LTBP1: variants seen among roughly 807,000 people sequenced by gnomAD.
The protein encoded by LTBP1 is latent transforming growth factor beta binding protein 1, also known as latent-transforming growth factor beta-binding protein 1.
In LTBP1, 129 loss-of-function variants were observed where a neutral mutation model predicts 207.6. The observed-to-expected ratio is 0.62, with a 90% CI of 0.54 to 0.72. LTBP1 has a LOEUF of 0.72. Among genes scored for constraint, LTBP1 ranks in the 30% least tolerant of loss-of-function variants. The probability of loss-of-function intolerance (pLI) is 0.00; values close to 1 mark genes in which losing one functional copy is unlikely to be tolerated. For missense variants in LTBP1, 2,281 were observed against 2,217.2 expected, an observed-to-expected ratio of 1.03 and a Z score of -0.58; for synonymous variants, 963 against 833.7, an observed-to-expected ratio of 1.16 and a Z score of -2.67.
rs375456488 is a variant in LTBP1 at position 33,315,257 on chromosome 2, C to A, written c.3718C>A (p.Arg1240Ser). The A allele has an allele frequency of 1.2e-6, 2 of 1,611,854 alleles. No homozygotes were observed. The highest frequency in any genetic ancestry group is 1.7e-5 in the Admixed American group (1 of 59,288). ...GGGTTTCTCAATCTCTGCAGATGGC[C>A]GTACGTGTGAAGGTAAGATAAACCA... ...QQGFSISADG[R>S]TCEDIDECVN... The change falls in exon 24 of 34, where the codon CGT becomes AGT. Residue 1240 changes from arginine to serine, a missense_variant. Physicochemically the swap from Arg to Ser is moderately radical, Grantham distance 110. Transcript: ENST00000404816.
At chr2:33,191,123 T>C (rs1437874928) in intron 7 of LTBP1, among the ~76,000 whole-genome samples, 2 of 152,296 alleles carry the variant, frequency 1.3e-5, no homozygotes, top group Non-Finnish European at 1.5e-5. Context: ...TAAAATTGTG[T>C]GCCCAGTACC....
chr2:32,973,677 T>C (rs900213208), intron 2 of LTBP1, among the ~76,000 whole-genome samples: 2 of 152,078 alleles, frequency 1.3e-5, no homozygotes, highest in Non-Finnish European at 1.5e-5. Flanking sequence ...TATCAGACAA[T>C]AGGTCTTATT....
At chr2:33,036,179 A>G (rs1024068856) in intron 3 of LTBP1, among the ~76,000 whole-genome samples, 5 of 152,168 alleles carry the variant, frequency 3.3e-5, no homozygotes. Context: ...AGGGCTTGCT[A>G]GATAAAATAC....
At chr2:33,190,709 T>C (rs1176446102) in intron 7 of LTBP1, among the ~76,000 whole-genome samples, 1 of 152,174 alleles carries the variant, frequency 6.6e-6, no homozygotes, top group Non-Finnish European at 1.5e-5. Flanking sequence ...TTAGAGAATA[T>C]TTATCAAGAT....
chr2:33,109,133 GA>G (rs2080240779), intron 3 of LTBP1, among the ~76,000 whole-genome samples: 1 of 152,206 alleles, frequency 6.6e-6, no homozygotes, highest in Non-Finnish European at 1.5e-5. Flanking sequence ...TATCTCTCAT[GA>G]ATGCCTTTTC....
At chr2:33,161,907 C>T (rs1453137763) in intron 5 of LTBP1, among the ~76,000 whole-genome samples, 1 of 152,128 alleles carries the variant, frequency 6.6e-6, no homozygotes, top group Non-Finnish European at 1.5e-5. Flanking sequence ...CTGTATTTAT[C>T]CCCCATGGCT....
chr2:33,310,683 G>C (rs1477221816), intron 23 of LTBP1, among the ~76,000 whole-genome samples: 2 of 152,124 alleles, frequency 1.3e-5, no homozygotes, highest in African/African-American at 2.4e-5. Flanking sequence ...AAAGAAGAAA[G>C]TGAAATTAAG....
At chr2:33,309,895 G>GACT (rs2094156460) in intron 23 of LTBP1, among the ~76,000 whole-genome samples, 1 of 151,322 alleles carries the variant, frequency 6.6e-6, no homozygotes, top group African/African-American at 2.4e-5. Flanking sequence ...TTGTCTCATA[G>GACT]GTGGTATTTA....
At chr2:33,046,962 C>A (rs2076478205) in intron 3 of LTBP1, among the ~76,000 whole-genome samples, 1 of 151,898 alleles carries the variant, frequency 6.6e-6, no homozygotes, top group South Asian at 2.1e-4. Flanking sequence ...GGTGATATCC[C>A]TTTTATCATT....
intron 3 of LTBP1, among the ~76,000 whole-genome samples, chr2:33,043,233 G>C (rs2076279702): frequency 6.6e-6 from 1 of 152,126 alleles, no homozygotes; most frequent in African/African-American, 2.4e-5. Context: ...TAGTGGGATT[G>C]AGCCCAGAGC....
intron 5 of LTBP1, among the ~76,000 whole-genome samples, chr2:33,140,672 T>A (rs1200331191): frequency 2.7e-5 from 4 of 148,476 alleles, no homozygotes; most frequent in East Asian, 2.0e-4. Flanking sequence ...TTAATTAATT[T>A]TTTTTTTTTT....
intron 7 of LTBP1, among the ~76,000 whole-genome samples, chr2:33,213,646 C>G (rs1475310752): frequency 6.6e-6 from 1 of 152,202 alleles, no homozygotes; most frequent in Non-Finnish European, 1.5e-5. Context: ...GGTGAGAGCC[C>G]TGAGTATGGC....
chr2:33,342,436 A>G (rs892871665), intron 24 of LTBP1, among the ~76,000 whole-genome samples: 3 of 152,250 alleles, frequency 2.0e-5, no homozygotes, highest in Admixed American at 6.5e-5. Flanking sequence ...TGTAACTATC[A>G]GATGCAAATA....
intron 2 of LTBP1, among the ~76,000 whole-genome samples, chr2:32,970,699 C>T (rs56341646): frequency 0.11 from 15,937 of 151,534 alleles, 919 homozygotes; most frequent in Middle Eastern, 0.12. Context: ...GTGATACCTT[C>T]AGCTTTGTTC....
chr2:33,167,857 G>C (rs1185111502), intron 5 of LTBP1, among the ~76,000 whole-genome samples: 1 of 152,210 alleles, frequency 6.6e-6, no homozygotes, highest in African/African-American at 2.4e-5. Flanking sequence ...CTTCTGCCAT[G>C]ATTAGGTTTA....
At chr2:33,065,421 G>C (rs528748381) in intron 3 of LTBP1, among the ~76,000 whole-genome samples, 83 of 152,192 alleles carry the variant, frequency 5.5e-4, no homozygotes, top group African/African-American at 1.8e-3. Context: ...GGGTGTGGTG[G>C]TGCACGCCTG....
intron 2 of LTBP1, among the ~76,000 whole-genome samples, chr2:33,012,563 G>T (rs1215437393): frequency 1.3e-5 from 2 of 152,172 alleles, no homozygotes; most frequent in African/African-American, 2.4e-5. Context: ...TAGCTGTATG[G>T]TGATTCTTTT....
intron 2 of LTBP1, among the ~76,000 whole-genome samples, chr2:32,987,268 G>A (rs1185361166): frequency 6.6e-6 from 1 of 152,182 alleles, no homozygotes; most frequent in Non-Finnish European, 1.5e-5. Context: ...TATAGAAAAA[G>A]GGGAACGGTG....
intron 24 of LTBP1, among the ~76,000 whole-genome samples, chr2:33,337,169 A>G (rs2094562785): frequency 6.6e-6 from 1 of 152,154 alleles, no homozygotes; most frequent in South Asian, 2.1e-4. Context: ...TTTATTTGAG[A>G]ATTCGGGAGT....
Sources: gnomAD v4.1 joint callset for allele counts (sites outside exome capture counted in the v4.1 genomes callset) on GRCh38, gnomAD v4.1.1 for gene constraint, MANE v1.5 for transcripts, NCBI Gene and HGNC (gene_info 2026-07-23, HGNC 2026-07-21) for gene names.